The following CPNE4 variants were observed in gnomAD, a reference collection of about 807,000 sequenced individuals.
The protein encoded by CPNE4 is copine 4, also known as copine-4.
Under a neutral mutation model 67.9 loss-of-function variants are expected in CPNE4, and 25 were observed. The observed-to-expected ratio is 0.37, with a 90% confidence interval of 0.27 to 0.51. CPNE4 has a LOEUF of 0.51. Ranked by LOEUF, CPNE4 falls within the 20% of genes least tolerant of loss-of-function variation. The pLI is 0.93. For synonymous variants in CPNE4, 242 were observed against 244.9 expected (o/e 0.99, Z 0.11); for missense variants, 464 against 690.8 (o/e 0.67, Z 3.68).
intron 9 of CPNE4, among the ~76,000 whole-genome samples, chr3:131,579,771 C>T (rs72999219): frequency 0.062 from 9,499 of 152,200 alleles, 763 homozygotes; most frequent in African/African-American, 0.19. Context: ...GCTGAATTGC[C>T]ACAACTGATA....
chr3:131,727,569 A>C (rs890138049), intron 2 of CPNE4, among the ~76,000 whole-genome samples: 2 of 152,266 alleles, frequency 1.3e-5, no homozygotes, highest in African/African-American at 4.8e-5. Flanking sequence ...TTTAAAAAAA[A>C]CAGCATTATT....
At chr3:131,547,338 C>A (rs1935912143) in intron 14 of CPNE4, among the ~76,000 whole-genome samples, 1 of 151,612 alleles carries the variant, frequency 6.6e-6, no homozygotes, top group East Asian at 1.9e-4. Context: ...GCCTTTGGTC[C>A]CAGCTATTTG....
At chr3:131,911,338 T>G (rs552518825) in intron 1 of CPNE4, among the ~76,000 whole-genome samples, 1 of 152,268 alleles carries the variant, frequency 6.6e-6, no homozygotes, top group Admixed American at 6.5e-5. Context: ...GAACCTCAGA[T>G]GTGACAGCAG....
At chr3:131,872,811 A>G (rs75167669) in intron 2 of CPNE4, among the ~76,000 whole-genome samples, 2,670 of 152,286 alleles carry the variant, frequency 0.018, 39 homozygotes, top group Non-Finnish European at 0.027. Flanking sequence ...TCTGGGAAAC[A>G]CCTTTAGCTA....
chr3:131,815,320 A>G (rs1035992693), intron 2 of CPNE4, among the ~76,000 whole-genome samples: 10 of 151,984 alleles, frequency 6.6e-5, no homozygotes, highest in Non-Finnish European at 1.3e-4. Context: ...AGAAGATGGG[A>G]AAAAAAATTC....
rs1560138952 is a variant in CPNE4 at position 131,699,958 on chromosome 3, G to A, written c.383C>T (p.Ser128Phe). The change falls in exon 4 of 16, where the codon TCC becomes TTC. Residue 128 changes from serine (S) to phenylalanine (F), a missense_variant. Transcript: ENST00000429747. ...LGQIVSQRKL[S>F]KSLLKHGNTA... is the part of the protein sequence containing the mutation. Reference sequence around the variant, plus strand: ...GTTCCCATGCTTCAGCAAGGATTTGGACAGCTTTCTCTGGGAAACAATCTG... The same window carrying A: ...GTTCCCATGCTTCAGCAAGGATTTGAACAGCTTTCTCTGGGAAACAATCTG... 1 of 1,611,430 alleles carries A rather than the reference G, an allele frequency of 6.2e-7. No homozygotes were observed. The highest frequency in any genetic ancestry group is 8.5e-7 in the Non-Finnish European group (1 of 1,178,606).
chr3:131,615,921 A>T (rs1365151075), intron 7 of CPNE4, among the ~76,000 whole-genome samples: 1 of 89,514 alleles, frequency 1.1e-5, no homozygotes, highest in African/African-American at 1.2e-4. Flanking sequence ...ACACACACAC[A>T]CACACACGCA....
At chr3:131,641,354 C>T (rs1047717750) in intron 7 of CPNE4, among the ~76,000 whole-genome samples, 7 of 151,854 alleles carry the variant, frequency 4.6e-5, no homozygotes, top group African/African-American at 1.7e-4. Flanking sequence ...AGGCTAAGGA[C>T]AGGAATAGAC....
rs184436403 is a variant in CPNE4, at chr3:131,656,904, C to T, written c.681+12771G>A. Among the ~76,000 whole-genome samples the T allele has an allele frequency of 7.9e-5, 12 of 152,186 alleles. No individual in the cohort carries two copies. In the East Asian group the frequency reaches 2.3e-3, roughly 29 times the overall value. On this transcript the variant is annotated intron_variant, in intron 7 of 15. Transcript: ENST00000429747. ...GAGATGGGGAGGCAATGGAGAGGGACAGGTGGGAATTTCAGGCATATATCA... is the reference window on the plus strand; with the variant it reads ...GAGATGGGGAGGCAATGGAGAGGGATAGGTGGGAATTTCAGGCATATATCA...
At chr3:131,677,448 TG>T (rs2080609230) in intron 6 of CPNE4, among the ~76,000 whole-genome samples, 2 of 152,200 alleles carry the variant, frequency 1.3e-5, no homozygotes, top group South Asian at 4.1e-4. Context: ...AGATCCCATT[TG>T]TCAATTTTTG....
intron 2 of CPNE4, among the ~76,000 whole-genome samples, chr3:131,801,414 ACG>A (rs1491458058): frequency 0.11 from 2,072 of 19,718 alleles, 95 homozygotes; most frequent in African/African-American, 0.13. Flanking sequence ...GTACATATAT[ACG>A]TGTGTGTGTG....
intron 2 of CPNE4, among the ~76,000 whole-genome samples, chr3:131,849,519 G>A (rs1277195457): frequency 1.3e-5 from 2 of 151,988 alleles, no homozygotes; most frequent in Non-Finnish European, 2.9e-5. Context: ...CAAGACCAGC[G>A]AGGGGAAAAT....
intron 3 of CPNE4, among the ~76,000 whole-genome samples, chr3:131,722,130 A>G (rs776385487): frequency 3.3e-5 from 5 of 152,132 alleles, no homozygotes; most frequent in Non-Finnish European, 7.4e-5. Flanking sequence ...TTTAGTGATA[A>G]GTGGCATGAA....
chr3:131,794,389 C>T (rs899607400), intron 2 of CPNE4, among the ~76,000 whole-genome samples: 11 of 152,056 alleles, frequency 7.2e-5, no homozygotes, highest in African/African-American at 1.2e-4. Flanking sequence ...GCACTACAGG[C>T]GCGCATCACC....
At chr3:131,759,745 A>G (rs1419796079) in intron 2 of CPNE4, among the ~76,000 whole-genome samples, 1 of 152,238 alleles carries the variant, frequency 6.6e-6, no homozygotes, top group African/African-American at 2.4e-5. Context: ...AAGAAAGTTT[A>G]TAGGTTCTTT....
At chr3:131,747,582 G>C (rs1440558481) in intron 2 of CPNE4, among the ~76,000 whole-genome samples, 2 of 151,906 alleles carry the variant, frequency 1.3e-5, no homozygotes, top group Non-Finnish European at 2.9e-5. Context: ...ACGTTTCCCA[G>C]ACTGATCTCA....
intron 1 of CPNE4, among the ~76,000 whole-genome samples, chr3:131,942,504 G>C (rs980840033): frequency 1.7e-5 from 2 of 114,540 alleles, no homozygotes; most frequent in African/African-American, 7.9e-5. Flanking sequence ...GAGAGAGAGA[G>C]AGAGAGAGAG....
intron 1 of CPNE4, among the ~76,000 whole-genome samples, chr3:131,987,741 T>G (rs2073089346): frequency 6.6e-6 from 1 of 152,186 alleles, no homozygotes; most frequent in South Asian, 2.1e-4. Context: ...ATAGTGAAAC[T>G]GGGGGAAAAA....
chr3:131,828,497 G>T (rs76789168), intron 2 of CPNE4, among the ~76,000 whole-genome samples: 5 of 152,048 alleles, frequency 3.3e-5, no homozygotes, highest in Non-Finnish European at 5.9e-5. Context: ...GTGTTGCCCC[G>T]TTGTATGAAT....
Sources: allele counts gnomAD v4.1 joint callset (sites outside exome capture counted in the v4.1 genomes callset), GRCh38; gene constraint gnomAD v4.1.1; transcripts MANE v1.5; gene names NCBI Gene and HGNC (gene_info 2026-07-23, HGNC 2026-07-21).